The following TRIM33 variants were observed in gnomAD, a reference collection of about 807,000 sequenced individuals.
TRIM33 encodes the protein tripartite motif containing 33.
Under a neutral mutation model 125.4 loss-of-function variants are expected in TRIM33, and 20 were observed. The ratio of observed to expected loss-of-function variants is 0.16; its 90% CI spans 0.11 to 0.23. The LOEUF is 0.23. Ranked by LOEUF, TRIM33 falls within the 10% of genes least tolerant of loss-of-function variation. The pLI, the probability that TRIM33 is intolerant of heterozygous loss-of-function variation, is 1.00. For synonymous variants in TRIM33, 564 were observed against 513.9 expected, an observed-to-expected ratio of 1.10 and a Z score of -1.32; for missense variants, 920 against 1,411.4, an observed-to-expected ratio of 0.65 and a Z score of 5.58.
At chr1:114,451,775 A>G (rs528277877) in intron 4 of TRIM33, among the ~76,000 whole-genome samples, 8 of 152,344 alleles carry the variant, frequency 5.3e-5, no homozygotes, top group Admixed American at 2.0e-4. Context: ...ACAACCTTAT[A>G]AAGTTGGCAG....
chr1:114,410,363 G>T (rs1165271562), intron 11 of TRIM33, 47 bp from the exon 12 acceptor site: 16 of 1,571,560 alleles, frequency 1.0e-5, no homozygotes, highest in Non-Finnish European at 1.4e-5. Flanking sequence ...TTAAAGCAGA[G>T]AAGTTATTAA....
chr1:114,440,349 C>CAA (rs1171822984), intron 4 of TRIM33, among the ~76,000 whole-genome samples: 8 of 134,612 alleles, frequency 5.9e-5, no homozygotes, highest in Admixed American at 3.0e-4. Flanking sequence ...AATTTTAGAC[C>CAA]AAAAAAAAAA....
At chr1:114,398,898 C>CAA (rs372853872) in intron 18 of TRIM33, among the ~76,000 whole-genome samples, 48 of 60,718 alleles carry the variant, frequency 7.9e-4, no homozygotes, top group Admixed American at 1.1e-3. Context: ...AACTTACCCT[C>CAA]AAAAAAAAAA....
chr1:114,501,046 C>T (rs1302159206), intron 1 of TRIM33, among the ~76,000 whole-genome samples: 3 of 115,720 alleles, frequency 2.6e-5, no homozygotes, highest in Admixed American at 8.1e-5. Flanking sequence ...AAAAATTAGC[C>T]GGGCGTAGTG....
At chr1:114,487,846 G>A (rs1158225242) in intron 1 of TRIM33, among the ~76,000 whole-genome samples, 2 of 138,008 alleles carry the variant, frequency 1.4e-5, no homozygotes, top group South Asian at 2.3e-4. Flanking sequence ...GCAATGAGCC[G>A]AGATTGCGCC....
In TRIM33 at chr1:114,397,850, T is replaced by A; in HGVS notation, c.3182A>T (p.Glu1061Val). 6.2e-7 allele frequency: 1 copy of A among 1,613,922 alleles called. No individual in the cohort carries two copies. The highest frequency in any genetic ancestry group is 2.2e-5 in the East Asian group (1 of 44,864). The change falls in exon 20 of 20, where the codon GAA becomes GTA. Residue 1061 changes from glutamate to valine, a missense_variant. Coordinates refer to ENST00000358465, the MANE Select transcript of TRIM33 (RefSeq NM_015906.4). ...AACTGCTTTCCCTGCCTGAGCTACT[T>A]CTGAATCAGCCTGCAAGCAAAAGAT... ...TQEINLKADS[E>V]VAQAGKAVAL...
At chr1:114,476,178 T>C (rs1465420693) in intron 1 of TRIM33, among the ~76,000 whole-genome samples, 1 of 151,880 alleles carries the variant, frequency 6.6e-6, no homozygotes, top group African/African-American at 2.4e-5. Context: ...TGTGTAATAT[T>C]TAAAAAATTT....
intron 1 of TRIM33, among the ~76,000 whole-genome samples, chr1:114,471,990 C>T (rs1313417843): frequency 6.6e-6 from 1 of 152,126 alleles, no homozygotes; most frequent in Non-Finnish European, 1.5e-5. Flanking sequence ...TTTAGTTACG[C>T]TATTTAGTGT....
chr1:114,453,987 C>G (rs1216125240), intron 4 of TRIM33, among the ~76,000 whole-genome samples: 1 of 152,200 alleles, frequency 6.6e-6, no homozygotes, highest in Non-Finnish European at 1.5e-5. Context: ...TAATCTGTAT[C>G]CTTTCACTGT....
chr1:114,409,198 GA>G, intron 12 of TRIM33, among the ~76,000 whole-genome samples: 1 of 152,064 alleles, frequency 6.6e-6, no homozygotes, highest in African/African-American at 2.4e-5. Context: ...GTTTCAGTAA[GA>G]AAAAAATAAC....
chr1:114,499,177 G>A (rs1652560500), intron 1 of TRIM33, among the ~76,000 whole-genome samples: 1 of 152,060 alleles, frequency 6.6e-6, no homozygotes, highest in Admixed American at 6.5e-5. Flanking sequence ...TAAGAAGGGA[G>A]TAGAATAAAG....
At chr1:114,398,921 C>T (rs374300041) in intron 18 of TRIM33, among the ~76,000 whole-genome samples, 14 of 114,564 alleles carry the variant, frequency 1.2e-4, no homozygotes, top group Admixed American at 1.2e-3. Flanking sequence ...AAAAACAAAA[C>T]AAAACAAAAC....
chr1:114,492,469 A>G (rs74861028), intron 1 of TRIM33, among the ~76,000 whole-genome samples: 1,566 of 152,236 alleles, frequency 0.01, 25 homozygotes, highest in African/African-American at 0.036. Context: ...CAACCATCCA[A>G]CCATCACCAT....
intron 8 of TRIM33, among the ~76,000 whole-genome samples, chr1:114,426,277 G>A (rs1291679394): frequency 6.6e-6 from 1 of 152,110 alleles, no homozygotes; most frequent in Non-Finnish European, 1.5e-5. Flanking sequence ...GTGATTTAAG[G>A]CACAGGTTGA....
chr1:114,425,791 C>CAACA (rs1194797938), intron 8 of TRIM33, 68 bp from the exon 9 acceptor site: 1 of 1,173,764 alleles, frequency 8.5e-7, no homozygotes, highest in African/African-American at 1.5e-5. Context: ...GAGTAATCAC[C>CAACA]ATGTTTTCCT....
intron 13 of TRIM33, among the ~76,000 whole-genome samples, chr1:114,408,042 T>C (rs953145871): frequency 2.6e-5 from 4 of 152,142 alleles, no homozygotes; most frequent in African/African-American, 9.7e-5. Context: ...AAAGGAAGTA[T>C]ATGCCACCAC....
intron 1 of TRIM33, among the ~76,000 whole-genome samples, chr1:114,485,745 T>C (rs1651642663): frequency 6.6e-6 from 1 of 152,176 alleles, no homozygotes; most frequent in South Asian, 2.1e-4. Context: ...ACCTGGCCTT[T>C]ATGTTATACC....
chr1:114,460,283 T>G (rs147761602), intron 4 of TRIM33: 2,476 of 178,774 alleles, frequency 0.014, 84 homozygotes, highest in Admixed American at 0.082. Flanking sequence ...AAAAGATCCT[T>G]GAACAAAAAG....
intron 1 of TRIM33, among the ~76,000 whole-genome samples, chr1:114,500,514 T>C (rs925263468): frequency 4.6e-5 from 7 of 152,072 alleles, no homozygotes; most frequent in Non-Finnish European, 8.8e-5. Context: ...TAATAAGTTT[T>C]TAAAATGAAC....
Sources: gnomAD v4.1 joint callset for allele counts (sites outside exome capture counted in the v4.1 genomes callset) on GRCh38, gnomAD v4.1.1 for gene constraint, MANE v1.5 for transcripts, NCBI Gene and HGNC (gene_info 2026-07-23, HGNC 2026-07-21) for gene names.